IMMP2L: variants seen among roughly 807,000 people sequenced by gnomAD.
The protein encoded by IMMP2L is mitochondrial inner membrane protease subunit 2.
IMMP2L carries 18 observed loss-of-function variants against 19.3 expected under a neutral mutation model. The ratio of observed to expected loss-of-function variants is 0.93; its 90% CI spans 0.64 to 1.38. IMMP2L has a LOEUF of 1.38. Among genes scored for constraint, IMMP2L ranks in the 40% most tolerant of loss-of-function variants. IMMP2L has a pLI of 0.00. For missense variants in IMMP2L, 233 were observed against 218.2 expected, an observed-to-expected ratio of 1.07 and a Z score of -0.43; for synonymous variants, 76 against 73.0, an observed-to-expected ratio of 1.04 and a Z score of -0.21.
chr7:110,975,290 C>T (rs1820576576), intron 3 of IMMP2L, among the ~76,000 whole-genome samples: 1 of 152,022 alleles, frequency 6.6e-6, no homozygotes, highest in Non-Finnish European at 1.5e-5. Flanking sequence ...TGTATAACTA[C>T]CCTTCTAAAT....
intron 3 of IMMP2L, among the ~76,000 whole-genome samples, chr7:111,023,952 A>T (rs2129567436): frequency 6.6e-6 from 1 of 152,312 alleles, no homozygotes; most frequent in African/African-American, 2.4e-5. Context: ...TCCAGTATAT[A>T]TTCAACTGTA....
chr7:110,719,834 G>T (rs1795459977), intron 5 of IMMP2L, among the ~76,000 whole-genome samples: 1 of 152,138 alleles, frequency 6.6e-6, no homozygotes, highest in South Asian at 2.1e-4. Flanking sequence ...CTGAATTATA[G>T]CACTCTTTTA....
chr7:110,963,684 A>G, intron 3 of IMMP2L, 119 bp from the exon 4 acceptor site: 1 of 478,298 alleles, frequency 2.1e-6, no homozygotes. Context: ...TTTGCACCCC[A>G]TGACATGACA....
At chr7:110,786,330 A>C (rs1480197941) in intron 5 of IMMP2L, among the ~76,000 whole-genome samples, 1 of 152,012 alleles carries the variant, frequency 6.6e-6, no homozygotes, top group Admixed American at 6.6e-5. Flanking sequence ...AGAAAAACAT[A>C]ATTTGCAGCA....
At chr7:110,812,148 A>G (rs1206921519) in intron 5 of IMMP2L, among the ~76,000 whole-genome samples, 1 of 152,090 alleles carries the variant, frequency 6.6e-6, no homozygotes, top group Non-Finnish European at 1.5e-5. Flanking sequence ...GAGTGGTACA[A>G]TATAGGAAGT....
chr7:110,914,199 T>C (rs1042460586), intron 4 of IMMP2L, among the ~76,000 whole-genome samples: 2 of 152,192 alleles, frequency 1.3e-5, no homozygotes, highest in African/African-American at 4.8e-5. Flanking sequence ...TCTTCTGTTA[T>C]AATTCTTTGA....
chr7:111,058,489 A>G (rs760523712), intron 3 of IMMP2L, among the ~76,000 whole-genome samples: 1 of 152,202 alleles, frequency 6.6e-6, no homozygotes, highest in Non-Finnish European at 1.5e-5. Context: ...TTAAATAGGA[A>G]CTCAGGATAG....
At chr7:110,927,279 T>G (rs867680033) in intron 4 of IMMP2L, among the ~76,000 whole-genome samples, 1 of 152,026 alleles carries the variant, frequency 6.6e-6, no homozygotes, top group African/African-American at 2.4e-5. Flanking sequence ...CGTATAGACA[T>G]AGAGAGAGAT....
intron 4 of IMMP2L, among the ~76,000 whole-genome samples, chr7:110,940,494 G>A (rs530919983): frequency 6.6e-6 from 1 of 152,206 alleles, no homozygotes; most frequent in East Asian, 1.9e-4. Context: ...ACAGAATGAA[G>A]GATAACTGCA....
At chr7:111,012,876 C>T (rs539333995) in intron 3 of IMMP2L, among the ~76,000 whole-genome samples, 30 of 152,198 alleles carry the variant, frequency 2.0e-4, no homozygotes, top group African/African-American at 6.3e-4. Context: ...TAGAAAATAA[C>T]GAACATCCTA....
chr7:111,446,697 A>G (rs1403582495), intron 3 of IMMP2L, among the ~76,000 whole-genome samples: 4 of 152,218 alleles, frequency 2.6e-5, no homozygotes, highest in Admixed American at 1.3e-4. Context: ...ACGGAACAAA[A>G]CTGGATGGAG....
At chr7:110,818,467 G>A (rs374267741) in intron 5 of IMMP2L, among the ~76,000 whole-genome samples, 2 of 152,028 alleles carry the variant, frequency 1.3e-5, no homozygotes, top group Admixed American at 6.6e-5. Flanking sequence ...GGAAACAACA[G>A]GTGCTGGAGA....
At chr7:110,992,951 A>C (rs1357986899) in intron 3 of IMMP2L, among the ~76,000 whole-genome samples, 2 of 152,162 alleles carry the variant, frequency 1.3e-5, no homozygotes, top group Non-Finnish European at 2.9e-5. Flanking sequence ...TTTAGTGAGA[A>C]TTCATTGCAT....
At chr7:111,023,180 G>A (rs1752310963) in intron 3 of IMMP2L, among the ~76,000 whole-genome samples, 1 of 152,204 alleles carries the variant, frequency 6.6e-6, no homozygotes, top group East Asian at 1.9e-4. Context: ...CTGAAGGCAA[G>A]TTCTGGTACT....
At chr7:110,833,430 A>C (rs1804147610) in intron 5 of IMMP2L, among the ~76,000 whole-genome samples, 3 of 110,540 alleles carry the variant, frequency 2.7e-5, no homozygotes, top group Admixed American at 1.0e-4. Flanking sequence ...CAAGAGTGAA[A>C]CTTCGTCTCA....
intron 5 of IMMP2L, among the ~76,000 whole-genome samples, chr7:110,882,298 T>C (rs75213323): frequency 1.1e-3 from 101 of 94,136 alleles, no homozygotes; most frequent in African/African-American, 3.7e-3. Context: ...CCTTCCTTCC[T>C]TCCTTCCTTC....
chr7:111,250,942 G>GA (rs1419679403), intron 3 of IMMP2L, among the ~76,000 whole-genome samples: 1 of 152,116 alleles, frequency 6.6e-6, no homozygotes, highest in African/African-American at 2.4e-5. Context: ...CATAGCAAAA[G>GA]AAACTATTAT....
chr7:111,443,713 T>C (rs770853521), intron 3 of IMMP2L, among the ~76,000 whole-genome samples: 4 of 152,186 alleles, frequency 2.6e-5, no homozygotes, highest in Middle Eastern at 3.2e-3. Flanking sequence ...GAAACTATTA[T>C]ATTAATTCAA....
intron 3 of IMMP2L, among the ~76,000 whole-genome samples, chr7:111,094,881 A>G (rs1797242657): frequency 6.6e-6 from 1 of 152,102 alleles, no homozygotes; most frequent in African/African-American, 2.4e-5. Flanking sequence ...ACGTTTTTCT[A>G]ACTTGTTGAA....
Sources: gnomAD v4.1 joint callset for allele counts (sites outside exome capture counted in the v4.1 genomes callset) on GRCh38, gnomAD v4.1.1 for gene constraint, MANE v1.5 for transcripts, NCBI Gene and HGNC (gene_info 2026-07-23, HGNC 2026-07-21) for gene names.